Variants in DCSTAMP observed in about 807,000 individuals in gnomAD.
The protein encoded by DCSTAMP is dendritic cell-specific transmembrane protein.
In DCSTAMP, 25 loss-of-function variants were observed where a neutral mutation model predicts 33.8. That is an observed-to-expected ratio of 0.74 (90% CI 0.54 to 1.03). The LOEUF (loss-of-function observed/expected upper bound fraction) is 1.03. DCSTAMP is among the 50% of genes least tolerant of loss of function. The pLI is 0.00. For synonymous variants in DCSTAMP, 245 were observed against 216.7 expected (o/e 1.13, Z -1.15); for missense variants, 531 against 556.8 (o/e 0.95, Z 0.47).
intron 1 of DCSTAMP, among the ~76,000 whole-genome samples, chr8:104,346,951 G>A (rs1810330542): frequency 6.6e-6 from 1 of 152,192 alleles, no homozygotes; most frequent in African/African-American, 2.4e-5. Context: ...CGTAAATTCA[G>A]ACCCATCCTA....
chr8:104,349,469 T>C lies in DCSTAMP; in HGVS notation c.917T>C (p.Ile306Thr). Reference sequence around the variant, plus strand: ...CTCCCCATACTTATCCATCTCTGCATCTGGGTGCTGTTTGCAGCTGTAGAT... The same window carrying C: ...CTCCCCATACTTATCCATCTCTGCACCTGGGTGCTGTTTGCAGCTGTAGAT... ...FFLPILIHLC[I>T]WVLFAAVDYL... The change falls in exon 2 of 4, where the codon ATC becomes ACC. Residue 306 changes from isoleucine (I) to threonine (T), a missense_variant. Physicochemically the swap from Ile to Thr is moderately conservative, Grantham distance 89 (BLOSUM62 -1). Transcript: ENST00000297581. The C allele has an allele frequency of 6.2e-7, 1 of 1,614,178 alleles. No homozygotes were observed. The highest frequency in any genetic ancestry group is 8.5e-7 in the Non-Finnish European group (1 of 1,180,036).
chr8:104,340,090 G>T (rs111792451), intron 1 of DCSTAMP, among the ~76,000 whole-genome samples: 1 of 152,060 alleles, frequency 6.6e-6, no homozygotes, highest in African/African-American at 2.4e-5. Context: ...CTGGGTATAC[G>T]CGAGCCACCC....
Position 104,356,247 on chromosome 8 carries a change from G to A in DCSTAMP, c.*49G>A, listed in dbSNP as rs1810623038. 1.3e-6 allele frequency: 2 copies of A among 1,554,808 alleles called. No homozygotes were observed. Among genetic ancestry groups the A allele is most frequent in the South Asian group, 2.3e-5 (2 of 85,346 alleles). Reference sequence around the variant, plus strand: ...ACATCGCACCAACAATTCTCTTCAGGTCTAGGATGGCAGTCACTATTCATG... The same window carrying A: ...ACATCGCACCAACAATTCTCTTCAGATCTAGGATGGCAGTCACTATTCATG... On this transcript the variant is annotated 3_prime_UTR_variant, in exon 4 of 4. Coordinates refer to ENST00000297581, the MANE Select transcript of DCSTAMP (RefSeq NM_030788.4).
intron 2 of DCSTAMP, among the ~76,000 whole-genome samples, chr8:104,351,622 G>T (rs1218280748): frequency 6.6e-6 from 1 of 152,170 alleles, no homozygotes; most frequent in Non-Finnish European, 1.5e-5. Context: ...TATGGAGTGG[G>T]TTATTCATGA....
At chr8:104,354,259 C>G (rs912799395) in intron 2 of DCSTAMP, among the ~76,000 whole-genome samples, 1 of 152,120 alleles carries the variant, frequency 6.6e-6, no homozygotes, top group Admixed American at 6.5e-5. Flanking sequence ...ATATAGTACA[C>G]TAAATAAGAA....
intron 1 of DCSTAMP, among the ~76,000 whole-genome samples, chr8:104,345,915 C>T (rs1167198548): frequency 6.6e-6 from 1 of 152,174 alleles, no homozygotes; most frequent in Non-Finnish European, 1.5e-5. Context: ...ATATACAGGT[C>T]AGCTCTTAAC....
chr8:104,351,290 C>T (rs923311598), intron 2 of DCSTAMP, among the ~76,000 whole-genome samples: 6 of 152,140 alleles, frequency 3.9e-5, no homozygotes, highest in Admixed American at 2.0e-4. Context: ...GGCTGAATGA[C>T]GTGGTGTGTG....
chr8:104,354,876 G>T lies in DCSTAMP; in HGVS notation c.1030-1G>T. The T allele has an allele frequency of 6.4e-7, 1 of 1,568,250 alleles. No homozygotes were observed. The highest frequency in any genetic ancestry group is 8.7e-7 in the Non-Finnish European group (1 of 1,148,910). ...ATGATTATTTTATTCTTTCATTTTA[G>T]AAACAAGGAACTCAAGATATTATCC... On this transcript the variant is annotated splice_acceptor_variant, in intron 2 of 3. Coordinates refer to ENST00000297581, the MANE Select transcript of DCSTAMP (RefSeq NM_030788.4). LOFTEE classifies it high-confidence loss of function.
intron 2 of DCSTAMP, 60 bp from the exon 3 acceptor site, chr8:104,354,817 A>C: frequency 1.0e-5 from 12 of 1,183,774 alleles, no homozygotes; most frequent in Non-Finnish European, 1.3e-5. Flanking sequence ...AGTACTGAGA[A>C]AGACAAGAAC....
At chr8:104,355,998 C>G (rs945542930) in intron 3 of DCSTAMP, 126 bp from the exon 4 acceptor site, 1 of 770,720 alleles carries the variant, frequency 1.3e-6, no homozygotes, top group African/African-American at 1.8e-5. Context: ...CAAAAATAAG[C>G]TTGTCTATTT....
In DCSTAMP at chr8:104,350,738, C is replaced by G. The variant is rs192683959; in HGVS notation, c.1029+1157C>G. ...GGTTCATAGACCACATTTTGAGCAA[C>G]TCTGGTCTAGGTCTTAGAAAGCAAG... On this transcript the variant is annotated intron_variant, in intron 2 of 3. Transcript: ENST00000297581. 1.3e-3 allele frequency among the ~76,000 whole-genome samples: 191 copies of G among 152,298 alleles called. 1 individual carries two copies. The highest frequency in any genetic ancestry group is 4.3e-3 in the African/African-American group (180 of 41,558).
At position 104,349,059 on chromosome 8, in the gene DCSTAMP, G is replaced by C. The variant is rs761867511; in HGVS notation, c.507G>C (p.Gln169His). ...TTGATGACCTTGTTTCTTGGAACCA[G>C]ACCCTGGCAGTCTCTCTTTTCAGTC... ...SVFDDLVSWN[Q>H]TLAVSLFSPS... Residue 169 changes from glutamine to histidine, a missense_variant, in exon 2 of 4, where the codon CAG becomes CAC. Transcript: ENST00000297581. The C allele has an allele frequency of 1.2e-6, 2 of 1,614,164 alleles. No homozygotes were observed. The highest frequency in any genetic ancestry group is 2.2e-5 in the South Asian group (2 of 91,076).
At chr8:104,353,335 A>C (rs1328448541) in intron 2 of DCSTAMP, among the ~76,000 whole-genome samples, 2 of 152,224 alleles carry the variant, frequency 1.3e-5, no homozygotes, top group Non-Finnish European at 2.9e-5. Flanking sequence ...TGTCTTCCAC[A>C]TCACCCTCAA....
chr8:104,350,218 T>C (rs1426970903), intron 2 of DCSTAMP, among the ~76,000 whole-genome samples: 2 of 152,174 alleles, frequency 1.3e-5, no homozygotes, highest in Non-Finnish European at 2.9e-5. Flanking sequence ...TCCAGCCTCC[T>C]ACAGTCAACA....
intron 2 of DCSTAMP, among the ~76,000 whole-genome samples, chr8:104,351,205 C>T (rs1055993113): frequency 1.3e-5 from 2 of 152,084 alleles, no homozygotes; most frequent in Non-Finnish European, 2.9e-5. Context: ...GATATTTGTG[C>T]TTATGCTGAC....
intron 1 of DCSTAMP, among the ~76,000 whole-genome samples, chr8:104,344,616 C>A (rs1810246356): frequency 6.6e-6 from 1 of 152,170 alleles, no homozygotes; most frequent in Admixed American, 6.5e-5. Flanking sequence ...CAATCAAGAT[C>A]TGCATTTTCA....
At chr8:104,344,654 C>G (rs1035811643) in intron 1 of DCSTAMP, among the ~76,000 whole-genome samples, 1 of 152,164 alleles carries the variant, frequency 6.6e-6, no homozygotes, top group Admixed American at 6.5e-5. Flanking sequence ...ATCACGTACT[C>G]AAGTCTAAGA....
In DCSTAMP at chr8:104,349,469, T is replaced by A. The variant is rs111828504; in HGVS notation, c.917T>A (p.Ile306Asn). Residue 306 changes from isoleucine to asparagine, a missense_variant, in exon 2 of 4, where the codon ATC (isoleucine) becomes AAC (asparagine). Physicochemically the swap from Ile to Asn is moderately radical, Grantham distance 149. Coordinates refer to ENST00000297581, the MANE Select transcript of DCSTAMP (RefSeq NM_030788.4). The stretch of plus-strand genomic sequence containing the variant: ...CTCCCCATACTTATCCATCTCTGCA[T>A]CTGGGTGCTGTTTGCAGCTGTAGAT... ...FFLPILIHLC[I>N]WVLFAAVDYL... The A allele has an allele frequency of 6.2e-7, 1 of 1,614,068 alleles. No homozygotes were observed. The highest frequency in any genetic ancestry group is 1.3e-5 in the African/African-American group (1 of 74,898).
At chr8:104,340,268 T>C (rs2099382549) in intron 1 of DCSTAMP, 1 of 152,230 alleles carries the variant, frequency 6.6e-6, no homozygotes, top group South Asian at 2.1e-4. Context: ...TTCATTAATC[T>C]TTCCTTTCTT....
Sources: allele counts gnomAD v4.1 joint callset (sites outside exome capture counted in the v4.1 genomes callset), GRCh38; gene constraint gnomAD v4.1.1; transcripts MANE v1.5; gene names NCBI Gene and HGNC (gene_info 2026-07-23, HGNC 2026-07-21).